Variants in CNGB1 observed in about 807,000 individuals in gnomAD.
CNGB1 encodes cyclic nucleotide-gated channel beta-1.
In CNGB1, 126 loss-of-function variants were observed where a neutral mutation model predicts 151.7. The observed-to-expected ratio is 0.83, with a 90% CI of 0.72 to 0.96. The LOEUF (loss-of-function observed/expected upper bound fraction) is 0.96. Among genes scored for constraint, CNGB1 ranks in the 40% least tolerant of loss-of-function variants. The pLI is 0.00. For missense variants in CNGB1, 1,698 were observed against 1,627.0 expected (o/e 1.04, Z -0.75); for synonymous variants, 623 against 635.1 (o/e 0.98, Z 0.29).
intron 25 of CNGB1, among the ~76,000 whole-genome samples, chr16:57,907,552 A>G (rs1355469758): frequency 2.6e-5 from 4 of 152,230 alleles, no homozygotes; most frequent in African/African-American, 9.6e-5. Context: ...ATTATTTCTC[A>G]TAAGAAATCT....
chr16:57,904,431 G>T (rs1229126279), intron 26 of CNGB1, among the ~76,000 whole-genome samples: 1 of 152,140 alleles, frequency 6.6e-6, no homozygotes. Context: ...GTAAGATGCT[G>T]CCCTGGCACA....
rs905079597 is a variant in CNGB1 at position 57,884,066 on chromosome 16, T to G, written c.*98A>C. 5.8e-6 allele frequency: 9 copies of G among 1,562,004 alleles called. No homozygotes were observed. The African/African-American group carries it at 1.1e-4, about 19-fold the overall frequency. ...ACGACTACGGAAAAGCATCTTCTCTTGAGCCGTGGGGGAAGGTGGGGCGCT... is the reference window on the plus strand; with the variant it reads ...ACGACTACGGAAAAGCATCTTCTCTGGAGCCGTGGGGGAAGGTGGGGCGCT... On this transcript the variant is annotated 3_prime_UTR_variant, in exon 33 of 33. Coordinates refer to ENST00000251102, the MANE Select transcript of CNGB1 (RefSeq NM_001297.5).
At chr16:57,922,449 A>G (rs1414502747) in intron 18 of CNGB1, among the ~76,000 whole-genome samples, 2 of 101,130 alleles carry the variant, frequency 2.0e-5, no homozygotes, top group East Asian at 3.3e-4. Context: ...TTTTTTTGAG[A>G]TGAAGTATTG....
Position 57,919,149 on chromosome 16 carries a change from T to C in CNGB1, c.1907A>G (p.His636Arg), listed in dbSNP as rs1960958935. The change falls in exon 20 of 33, where the codon CAC becomes CGC. Residue 636 changes from histidine to arginine, a missense_variant. Transcript: ENST00000251102. ...AAACTGGTACTTCTTCCAGGGGCGG[T>C]GTTTGAACTTGCAGCAGAGCATGTC... ...YCDMLCCKFK[H>R]RPWKKYQFPQ... is the part of the protein sequence containing the mutation. 1 of 1,614,018 alleles carries C rather than the reference T, an allele frequency of 6.2e-7. No homozygotes were observed. Among genetic ancestry groups the C allele is most frequent in the Non-Finnish European group, 8.5e-7 (1 of 1,179,990 alleles).
At chr16:57,931,634 C>A in intron 17 of CNGB1, 82 bp downstream of exon 17, 1 of 1,498,876 alleles carries the variant, frequency 6.7e-7, no homozygotes, top group South Asian at 1.2e-5. Context: ...GCTGCTTCTC[C>A]CTCTGGCCTC....
chr16:57,949,236 A>G, intron 14 of CNGB1, 117 bp downstream of exon 14: 1 of 1,577,458 alleles, frequency 6.3e-7, no homozygotes, highest in East Asian at 2.2e-5. Flanking sequence ...GCCCAGCCTT[A>G]CACAGCACAG....
intron 4 of CNGB1, among the ~76,000 whole-genome samples, chr16:57,963,689 A>C (rs9927844): frequency 0.72 from 109,270 of 151,940 alleles, 40,188 homozygotes; most frequent in East Asian, 0.84. Flanking sequence ...CTCTGACCCC[A>C]TTGGGCCTGC....
chr16:57,940,392 T>C (rs970678057), intron 14 of CNGB1, 71 bp from the exon 15 acceptor site: 15 of 1,440,116 alleles, frequency 1.0e-5, no homozygotes, highest in Non-Finnish European at 1.4e-5. Flanking sequence ...CCAGCCCTGC[T>C]GAGGGCCACG....
rs1442692730 is a variant in CNGB1 at position 57,888,176 on chromosome 16, G to A, written c.3243-102C>T. ...TAAGCTGGAGCTGTGTAGTGGTGGT[G>A]ATTTTGGCTGGTGATTGTAGAGAGT... On this transcript the variant is annotated intron_variant, in intron 31 of 32. Transcript: ENST00000251102. 1.9e-5 allele frequency: 24 copies of A among 1,265,258 alleles called. No homozygotes were observed. In the East Asian group the frequency reaches 5.2e-4, roughly 27 times the overall value. 78.4% of individuals were successfully genotyped at this position (1,265,258 alleles called of 1,614,324 possible). A position where few individuals can be genotyped will look rare whatever the true frequency, so the allele number is the denominator to read the frequency against.
At chr16:57,884,519 T>C in intron 32 of CNGB1, 62 bp from the exon 33 acceptor site, 2 of 1,583,420 alleles carry the variant, frequency 1.3e-6, no homozygotes, top group Admixed American at 1.7e-5. Flanking sequence ...GGAAGGGTCT[T>C]GGACACCTCC....
intron 12 of CNGB1, among the ~76,000 whole-genome samples, chr16:57,954,198 T>C (rs1306519389): frequency 6.6e-6 from 1 of 152,216 alleles, no homozygotes; most frequent in Non-Finnish European, 1.5e-5. Flanking sequence ...ACCACTCTCC[T>C]GTATGCCACA....
In CNGB1 at chr16:57,884,221, C is replaced by G. The variant is rs940485326; in HGVS notation, c.3699G>C (p.Pro1233=). ...VRICMSPGPE[P]GEQILSVKMP... is the part of the protein sequence containing the mutation. ...TCTTCACCGACAGGATCTGCTCTCC[C>G]GGCTCCGGGCCCGGGCTCATGCAGA... The change falls in exon 33 of 33, where the codon CCG becomes CCC. Residue 1233 remains proline (P), a synonymous_variant. Transcript: ENST00000251102. The G allele has an allele frequency of 1.2e-6, 2 of 1,613,844 alleles. No individual in the cohort carries two copies. Among genetic ancestry groups the G allele is most frequent in the African/African-American group, 1.3e-5 (1 of 74,924 alleles).
intron 32 of CNGB1, among the ~76,000 whole-genome samples, chr16:57,886,848 C>G (rs1169954879): frequency 6.6e-6 from 1 of 152,092 alleles, no homozygotes; most frequent in African/African-American, 2.4e-5. Context: ...GGCATTTTGC[C>G]TGTGTGAGAG....
chr16:57,887,394 C>G (rs922399962), intron 32 of CNGB1, among the ~76,000 whole-genome samples: 1 of 152,084 alleles, frequency 6.6e-6, no homozygotes, highest in African/African-American at 2.4e-5. Context: ...CTGGCCACAC[C>G]GAATGGCTCA....
At chr16:57,959,632 G>A (rs1268240421) in intron 10 of CNGB1, among the ~76,000 whole-genome samples, 1 of 151,874 alleles carries the variant, frequency 6.6e-6, no homozygotes, top group African/African-American at 2.4e-5. Flanking sequence ...AAACAAAAAA[G>A]CAAAGTGCAG....
intron 1 of CNGB1, among the ~76,000 whole-genome samples, chr16:57,967,583 C>T (rs1295625359): frequency 6.6e-6 from 1 of 152,004 alleles, no homozygotes; most frequent in Non-Finnish European, 1.5e-5. Context: ...GTAGTCCCAG[C>T]TACTCAGGAG....
intron 1 of CNGB1, among the ~76,000 whole-genome samples, chr16:57,970,249 C>A (rs1030260457): frequency 2.0e-5 from 3 of 152,320 alleles, no homozygotes; most frequent in South Asian, 2.1e-4. Flanking sequence ...ACTGCCAGAG[C>A]TCACATGTTG....
chr16:57,955,610 G>A (rs1401242516), intron 12 of CNGB1, among the ~76,000 whole-genome samples: 1 of 152,228 alleles, frequency 6.6e-6, no homozygotes, highest in Non-Finnish European at 1.5e-5. Context: ...CTTTGCAGGT[G>A]TGATTAAGTT....
chr16:57,945,709 T>C (rs1367852859), intron 14 of CNGB1, among the ~76,000 whole-genome samples: 1 of 152,252 alleles, frequency 6.6e-6, no homozygotes, highest in African/African-American at 2.4e-5. Context: ...CTGGCAGGGC[T>C]CTGTCTCTGA....
Sources: gnomAD v4.1 joint callset for allele counts (sites outside exome capture counted in the v4.1 genomes callset) on GRCh38, gnomAD v4.1.1 for gene constraint, MANE v1.5 for transcripts, NCBI Gene and HGNC (gene_info 2026-07-23, HGNC 2026-07-21) for gene names.